The following UBE4B variants were observed in gnomAD, a reference collection of about 807,000 sequenced individuals.
UBE4B encodes ubiquitination factor E4B.
In UBE4B, 27 loss-of-function variants were observed where a neutral mutation model predicts 148.1. That is an observed-to-expected ratio of 0.18 (90% CI 0.13 to 0.25). The LOEUF is 0.25. UBE4B is among the 10% of genes least tolerant of loss of function. UBE4B has a pLI of 1.00. For synonymous variants in UBE4B, 596 were observed against 619.3 expected, an observed-to-expected ratio of 0.96 and a Z score of 0.56; for missense variants, 1,170 against 1,662.4, an observed-to-expected ratio of 0.70 and a Z score of 5.15.
rs149114612 is a variant in UBE4B, at chr1:10,100,993, T to G, written c.348-115T>G. The G allele has an allele frequency of 2.2e-4, 189 of 842,998 alleles. No homozygotes were observed. In the East Asian group the frequency reaches 4.4e-3, roughly 20 times the overall value. The allele number at this position is 842,998 out of a possible 1,614,324, so 52.2% of individuals were successfully genotyped here. ...TAATAAGAAAAAAGATGGACCATTA[T>G]CATTTTCCTTTCCTGATTAACTGAT... On this transcript the variant is annotated intron_variant, in intron 3 of 27. Coordinates refer to ENST00000343090, the MANE Select transcript of UBE4B (RefSeq NM_001105562.3).
chr1:10,056,737 T>C (rs1426821020), intron 1 of UBE4B, among the ~76,000 whole-genome samples: 1 of 152,236 alleles, frequency 6.6e-6, no homozygotes, highest in Non-Finnish European at 1.5e-5. Context: ...TTGCTCATTG[T>C]GTAGAGGGCT....
intron 11 of UBE4B, chr1:10,128,433 C>G (rs1645537878): frequency 6.6e-6 from 1 of 152,242 alleles, no homozygotes; most frequent in Non-Finnish European, 1.5e-5. Flanking sequence ...TGATCATTCT[C>G]TAGGTCAGTG....
chr1:10,067,557 ATATGT>A (rs1295373306), intron 1 of UBE4B, among the ~76,000 whole-genome samples: 1 of 151,944 alleles, frequency 6.6e-6, no homozygotes, highest in Non-Finnish European at 1.5e-5. Flanking sequence ...TGTGTATCTC[ATATGT>A]TCTGTTTGTG....
intron 12 of UBE4B, among the ~76,000 whole-genome samples, chr1:10,129,697 A>T (rs1017826857): frequency 6.6e-6 from 1 of 151,754 alleles, no homozygotes; most frequent in African/African-American, 2.4e-5. Flanking sequence ...CCCAGGCTGG[A>T]TGGAGTGCAG....
In UBE4B at chr1:10,172,157, G is replaced by A. The variant is rs776452868; in HGVS notation, c.3525+828G>A. On this transcript the variant is annotated intron_variant, in intron 25 of 27. Coordinates refer to ENST00000343090, the MANE Select transcript of UBE4B (RefSeq NM_001105562.3). Reference sequence around the variant, plus strand: ...CTCCTTTATTCCGTGGGTCTCCTGTGAGCAGATCTGTCTGTGTGTGCTTCA... The same window carrying A: ...CTCCTTTATTCCGTGGGTCTCCTGTAAGCAGATCTGTCTGTGTGTGCTTCA... 1.5e-4 allele frequency among the ~76,000 whole-genome samples: 23 copies of A among 152,224 alleles called. No individual in the cohort carries two copies. The Middle Eastern group carries it at 0.01, about 68-fold the overall frequency.
intron 22 of UBE4B, among the ~76,000 whole-genome samples, chr1:10,160,899 T>C (rs948930375): frequency 6.6e-6 from 1 of 152,128 alleles, no homozygotes; most frequent in African/African-American, 2.4e-5. Flanking sequence ...GCTGTGATTG[T>C]GCCACTGCAT....
At chr1:10,103,252 T>G in intron 5 of UBE4B, 160 bp downstream of exon 5, 1 of 608,220 alleles carries the variant, frequency 1.6e-6, no homozygotes, top group Non-Finnish European at 2.7e-6. Context: ...TTTAGCCACT[T>G]TCTTCCCTTT....
At chr1:10,103,473 A>T (rs919253911) in intron 5 of UBE4B, among the ~76,000 whole-genome samples, 9 of 150,322 alleles carry the variant, frequency 6.0e-5, no homozygotes, top group African/African-American at 2.2e-4. Context: ...TCACCCTATC[A>T]CCAGGCTGGA....
At chr1:10,156,486 C>T (rs574601764) in intron 21 of UBE4B, among the ~76,000 whole-genome samples, 3 of 152,150 alleles carry the variant, frequency 2.0e-5, no homozygotes, top group African/African-American at 4.8e-5. Flanking sequence ...GTGATCTGCC[C>T]ACCCGGGCCT....
At chr1:10,037,338 T>C (rs1299505469) in intron 1 of UBE4B, among the ~76,000 whole-genome samples, 1 of 151,980 alleles carries the variant, frequency 6.6e-6, no homozygotes, top group Admixed American at 6.6e-5. Context: ...TCTTGTGCTT[T>C]TAAGTAGAGT....
chr1:10,041,936 C>T (rs755483676), intron 1 of UBE4B, among the ~76,000 whole-genome samples: 5 of 152,054 alleles, frequency 3.3e-5, no homozygotes, highest in African/African-American at 7.2e-5. Context: ...CTCAAATGAT[C>T]CACCCACCTC....
chr1:10,070,392 T>C (rs1178559716), intron 1 of UBE4B, among the ~76,000 whole-genome samples: 1 of 149,650 alleles, frequency 6.7e-6, no homozygotes, highest in African/African-American at 2.5e-5. Flanking sequence ...TACAACCCAG[T>C]GAGTTTTCAT....
intron 2 of UBE4B, among the ~76,000 whole-genome samples, chr1:10,091,022 G>A (rs1304905488): frequency 6.6e-6 from 1 of 152,104 alleles, no homozygotes; most frequent in Non-Finnish European, 1.5e-5. Context: ...ACTCTTCTCA[G>A]TTATAGAAGT....
rs1342342461 is a variant in UBE4B, at chr1:10,161,111, A to T, written c.3054-31A>T. 6.2e-7 allele frequency: 1 copy of T among 1,608,150 alleles called. No homozygotes were observed. Among genetic ancestry groups the T allele is most frequent in the Admixed American group, 1.7e-5 (1 of 59,732 alleles). ...GTGGCATTTTGCTTCAGGGAGATGT[A>T]TGACCATGTACAATATAATTGCCTT... On this transcript the variant is annotated intron_variant, in intron 22 of 27. Coordinates refer to ENST00000343090, the MANE Select transcript of UBE4B (RefSeq NM_001105562.3). The surrounding 1 kb of genome is among the most constrained non-coding windows in gnomAD (Gnocchi z 4.1).
At chr1:10,132,290 C>A in intron 14 of UBE4B, 79 bp from the exon 15 acceptor site, 1 of 1,052,314 alleles carries the variant, frequency 9.5e-7, no homozygotes, top group Non-Finnish European at 1.4e-6. Context: ...GGGAAGTAGG[C>A]TAGCTGTTCG....
intron 2 of UBE4B, among the ~76,000 whole-genome samples, chr1:10,076,247 C>CT (rs369214323): frequency 0.074 from 9,797 of 131,616 alleles, 488 homozygotes; most frequent in East Asian, 0.18. Context: ...TTCTTTCTTT[C>CT]TTTTTTTTTT....
At chr1:10,173,430 G>A (rs537509674) in intron 25 of UBE4B, among the ~76,000 whole-genome samples, 27 of 150,964 alleles carry the variant, frequency 1.8e-4, no homozygotes, top group African/African-American at 6.3e-4. Context: ...TGCAGTGAGC[G>A]GAGATCGAGC....
At chr1:10,173,249 C>T (rs1407940430) in intron 25 of UBE4B, among the ~76,000 whole-genome samples, 6 of 151,922 alleles carry the variant, frequency 3.9e-5, no homozygotes, top group African/African-American at 7.3e-5. Flanking sequence ...GAGGCCGAGG[C>T]GGGTGGATCA....
chr1:10,139,885 C>T (rs1438075562), intron 17 of UBE4B, among the ~76,000 whole-genome samples: 2 of 152,074 alleles, frequency 1.3e-5, no homozygotes, highest in Admixed American at 6.6e-5. Context: ...TGTGCCACCA[C>T]GCCCAGCTAA....
Sources: gnomAD v4.1 joint callset for allele counts (sites outside exome capture counted in the v4.1 genomes callset) on GRCh38, gnomAD v4.1.1 for gene constraint, Gnocchi (gnomAD v3.1) non-coding constraint, MANE v1.5 for transcripts, NCBI Gene and HGNC (gene_info 2026-07-23, HGNC 2026-07-21) for gene names.